SPHKAP: variants seen among roughly 807,000 people sequenced by gnomAD.
The protein encoded by SPHKAP is A-kinase anchor protein SPHKAP.
Under a neutral mutation model 137.5 loss-of-function variants are expected in SPHKAP, and 67 were observed. The ratio of observed to expected loss-of-function variants is 0.49; its 90% confidence interval spans 0.40 to 0.60. SPHKAP has a LOEUF of 0.60. Ranked by LOEUF, SPHKAP falls within the 20% of genes least tolerant of loss-of-function variation. The pLI is 0.00. For missense variants in SPHKAP, 2,097 were observed against 2,069.3 expected, an observed-to-expected ratio of 1.01 and a Z score of -0.26; for synonymous variants, 813 against 785.3, an observed-to-expected ratio of 1.04 and a Z score of -0.59.
At chr2:228,035,003 T>G (rs1695528881) in intron 3 of SPHKAP, among the ~76,000 whole-genome samples, 1 of 150,400 alleles carries the variant, frequency 6.6e-6, no homozygotes, top group Non-Finnish European at 1.5e-5. Flanking sequence ...CCACTCCTAT[T>G]CAACATAGTG....
rs139991358 is a variant in SPHKAP, at chr2:227,984,868, T to A, written c.4960-3008A>T. Among the ~76,000 whole-genome samples the A allele has an allele frequency of 3.3e-3, 499 of 152,304 alleles. 2 individuals carry two copies. Among genetic ancestry groups the A allele is most frequent in the African/African-American group, 0.012 (484 of 41,566 alleles). On this transcript the variant is annotated intron_variant, in intron 11 of 11. Transcript: ENST00000392056. ...TGCCTCCTTTCACTTAGCAAGTCTG[T>A]AAAGATTCCACTGATGGAAACATGA... is the stretch of plus-strand genomic sequence containing the variant.
intron 3 of SPHKAP, among the ~76,000 whole-genome samples, chr2:228,071,689 T>C (rs961019123): frequency 6.6e-6 from 1 of 152,244 alleles, no homozygotes; most frequent in African/African-American, 2.4e-5. Context: ...TCATTTTCTT[T>C]CTTTTTAATA....
chr2:228,017,016 C>A lies in SPHKAP; in HGVS notation c.3838G>T (p.Ala1280Ser). 1.9e-6 allele frequency: 3 copies of A among 1,614,092 alleles called. No individual in the cohort carries two copies. The South Asian group carries it at 3.3e-5, about 18-fold the overall frequency. ...GATTTGCAGAGACCGGATGAGGACGCGCTACTGACCGGCTGCACGCTTAGG... is the reference window on the plus strand; with the variant it reads ...GATTTGCAGAGACCGGATGAGGACGAGCTACTGACCGGCTGCACGCTTAGG... ...DFLSVQPVSS[A>S]SSSGLCKSDS... is the part of the protein sequence containing the mutation. The change falls in exon 7 of 12, where the codon GCG (alanine) becomes TCG (serine). Residue 1280 changes from alanine to serine, a missense_variant. By Grantham distance (99) the Ala-to-Ser change is moderately conservative (BLOSUM62 1). Coordinates refer to ENST00000392056, the MANE Select transcript of SPHKAP (RefSeq NM_001142644.2).
chr2:227,999,721 T>A (rs1693777681), intron 7 of SPHKAP, among the ~76,000 whole-genome samples: 1 of 152,224 alleles, frequency 6.6e-6, no homozygotes, highest in Non-Finnish European at 1.5e-5. Context: ...TCAGAATGAA[T>A]AATCATTATC....
rs1315185116 is a variant in SPHKAP, at chr2:228,129,550, A to C, written c.138+2430T>G. 2.6e-5 allele frequency among the ~76,000 whole-genome samples: 4 copies of C among 152,138 alleles called. No homozygotes were observed. The South Asian group carries it at 6.2e-4, about 24-fold the overall frequency. ...GAATGTATTTAGGTCGGGCCATACA[A>C]AATTGCCTATATTTGATCATTTGTG... On this transcript the variant is annotated intron_variant, in intron 2 of 11. Coordinates refer to ENST00000392056, the MANE Select transcript of SPHKAP (RefSeq NM_001142644.2).
At chr2:228,001,400 TATAC>T (rs1214912008) in intron 7 of SPHKAP, among the ~76,000 whole-genome samples, 1 of 142,540 alleles carries the variant, frequency 7.0e-6, no homozygotes, top group African/African-American at 2.5e-5. Flanking sequence ...TATAAATATA[TATAC>T]ATAAATATAT....
At chr2:228,016,346 C>A in intron 7 of SPHKAP, 60 bp downstream of exon 7, 1 of 1,489,482 alleles carries the variant, frequency 6.7e-7, no homozygotes, top group Non-Finnish European at 8.9e-7. Context: ...AGACTAAACA[C>A]TGATTAAGAC....
intron 7 of SPHKAP, among the ~76,000 whole-genome samples, chr2:228,011,580 A>G (rs1694370728): frequency 6.6e-6 from 1 of 152,242 alleles, no homozygotes; most frequent in Non-Finnish European, 1.5e-5. Context: ...AAATGAGGGT[A>G]AATCATAAAT....
At position 228,019,642 on chromosome 2, in the gene SPHKAP, A is replaced by G; in HGVS notation, c.1212T>C (p.Phe404=). The stretch of plus-strand genomic sequence containing the variant: ...TGGACTGAGATTGAGATAATCTAAT[A>G]AATGCATCCTGCAGCACGGATTCTG... ...NLAESVLQDA[F]IRLSQSQSTL... The change falls in exon 7 of 12, where the codon TTT becomes TTC. Residue 404 remains phenylalanine, a synonymous_variant. Coordinates refer to ENST00000392056, the MANE Select transcript of SPHKAP (RefSeq NM_001142644.2). 1 of 1,614,120 alleles carries G rather than the reference A, an allele frequency of 6.2e-7. No individual in the cohort carries two copies. Among genetic ancestry groups the G allele is most frequent in the East Asian group, 2.2e-5 (1 of 44,882 alleles).
In SPHKAP at chr2:228,181,272, G is replaced by A. The variant is rs1700903404; in HGVS notation, c.32+295C>T. Among the ~76,000 whole-genome samples, 1 of 152,174 alleles carries A rather than the reference G, an allele frequency of 6.6e-6. No homozygotes were observed. The highest frequency in any genetic ancestry group is 6.5e-5 in the Admixed American group (1 of 15,288). ...AAAGTCCGGCTCCTGGCTCCACCTAGGGCAGAGCAGACCTCCGTCCCTGGG... is the reference window on the plus strand; with the variant it reads ...AAAGTCCGGCTCCTGGCTCCACCTAAGGCAGAGCAGACCTCCGTCCCTGGG... On this transcript the variant is annotated intron_variant, in intron 1 of 11. Coordinates refer to ENST00000392056, the MANE Select transcript of SPHKAP (RefSeq NM_001142644.2). This position sits in a 1 kb window ranked among gnomAD's most constrained non-coding sequence, Gnocchi z 4.3.
At chr2:228,021,454 A>G (rs1335099253) in intron 6 of SPHKAP, among the ~76,000 whole-genome samples, 1 of 152,184 alleles carries the variant, frequency 6.6e-6, no homozygotes, top group South Asian at 2.1e-4. Context: ...TTTCCTTTAA[A>G]GTACACAAAT....
chr2:228,119,109 C>A (rs1318572738), intron 2 of SPHKAP, among the ~76,000 whole-genome samples: 1 of 152,120 alleles, frequency 6.6e-6, no homozygotes, highest in Non-Finnish European at 1.5e-5. Flanking sequence ...AAGCCAGCCA[C>A]ACTCCCATCG....
At position 228,019,274 on chromosome 2, in the gene SPHKAP, T is replaced by C; in HGVS notation, c.1580A>G (p.Asn527Ser). 4 of 1,614,012 alleles carry C rather than the reference T, an allele frequency of 2.5e-6. No homozygotes were observed. Among genetic ancestry groups the C allele is most frequent in the Non-Finnish European group, 3.4e-6 (4 of 1,180,022 alleles). ...ERLKMEQVVS[N>S]FPPGSSGALQ... ...TGCACCACTGCTCCCTGGGGGAAAG[T>C]TCGAGACCACTTGCTCCATTTTGAG... Residue 527 changes from asparagine to serine, a missense_variant, in exon 7 of 12, where the codon AAC becomes AGC. Asn to Ser is a conservative substitution (Grantham distance 46). Coordinates refer to ENST00000392056, the MANE Select transcript of SPHKAP (RefSeq NM_001142644.2).
At chr2:228,154,668 C>A (rs1700055534) in intron 1 of SPHKAP, among the ~76,000 whole-genome samples, 1 of 145,152 alleles carries the variant, frequency 6.9e-6, no homozygotes, top group Admixed American at 6.9e-5. Context: ...CCTACCTCAG[C>A]CTCCCGAGTA....
At chr2:228,036,261 A>T (rs1478980567) in intron 3 of SPHKAP, among the ~76,000 whole-genome samples, 2 of 152,112 alleles carry the variant, frequency 1.3e-5, no homozygotes, top group African/African-American at 4.8e-5. Context: ...ACATTTATGC[A>T]GCCAAAAAAC....
At chr2:228,056,912 G>C (rs1442780220) in intron 3 of SPHKAP, among the ~76,000 whole-genome samples, 2 of 152,164 alleles carry the variant, frequency 1.3e-5, no homozygotes, top group Non-Finnish European at 2.9e-5. Context: ...GTTTGGGAAA[G>C]GAAGAAAATC....
intron 1 of SPHKAP, chr2:228,132,642 T>C: frequency 4.7e-6 from 1 of 212,590 alleles, no homozygotes; most frequent in Non-Finnish European, 8.1e-6. Context: ...TCCCTCCCCC[T>C]GTCTCTGTCA....
At chr2:228,054,554 G>C (rs938686258) in intron 3 of SPHKAP, among the ~76,000 whole-genome samples, 1 of 152,122 alleles carries the variant, frequency 6.6e-6, no homozygotes, top group Non-Finnish European at 1.5e-5. Context: ...CCTCAACTGG[G>C]GAAGGGAAGA....
intron 3 of SPHKAP, among the ~76,000 whole-genome samples, chr2:228,107,556 C>T (rs181066264): frequency 6.6e-6 from 1 of 152,132 alleles, no homozygotes; most frequent in African/African-American, 2.4e-5. Context: ...TACTCTTTGC[C>T]TTTCACTAGA....
Sources: gnomAD v4.1 joint callset for allele counts (sites outside exome capture counted in the v4.1 genomes callset) on GRCh38, gnomAD v4.1.1 for gene constraint, Gnocchi (gnomAD v3.1) non-coding constraint, MANE v1.5 for transcripts, NCBI Gene and HGNC (gene_info 2026-07-23, HGNC 2026-07-21) for gene names.